The following KIAA0319L variants were observed in gnomAD, a reference collection of about 807,000 sequenced individuals.
KIAA0319L encodes the protein dyslexia-associated protein KIAA0319-like protein.
In KIAA0319L, 55 loss-of-function variants were observed where a neutral mutation model predicts 120.1. The observed-to-expected ratio is 0.46, with a 90% CI of 0.37 to 0.57. The LOEUF (loss-of-function observed/expected upper bound fraction) is 0.57, where lower values mean the gene tolerates loss of function less well. Among genes scored for constraint, KIAA0319L ranks in the 20% least tolerant of loss-of-function variants. The probability of loss-of-function intolerance (pLI) is 0.00; values close to 1 mark genes in which losing one functional copy is unlikely to be tolerated. For synonymous variants in KIAA0319L, 398 were observed against 471.9 expected, an observed-to-expected ratio of 0.84 and a Z score of 2.03; for missense variants, 1,049 against 1,255.3, an observed-to-expected ratio of 0.84 and a Z score of 2.48.
At chr1:35,478,258 C>T (rs977137093) in intron 4 of KIAA0319L, among the ~76,000 whole-genome samples, 6 of 119,642 alleles carry the variant, frequency 5.0e-5, no homozygotes, top group Admixed American at 3.5e-4. Context: ...CCAGAGGCTG[C>T]GAAGGGTAGT....
rs549381508 is a variant in KIAA0319L, at chr1:35,525,316, C to A, written c.143-18181G>T. On this transcript the variant is annotated intron_variant, in intron 2 of 20. Coordinates refer to ENST00000325722, the MANE Select transcript of KIAA0319L (RefSeq NM_024874.5). ...GTCCTGCAATAAACATGGGAGTGCA[C>A]ATATCCCTTTAATATACTAATTTTC... 2.0e-5 allele frequency among the ~76,000 whole-genome samples: 3 copies of A among 152,182 alleles called. No homozygotes were observed. In the East Asian group the frequency reaches 5.8e-4, roughly 29 times the overall value.
chr1:35,486,731 T>G (rs1644399692), intron 3 of KIAA0319L, among the ~76,000 whole-genome samples: 1 of 84,804 alleles, frequency 1.2e-5, no homozygotes, highest in African/African-American at 1.7e-4. Context: ...CGAGACCCCA[T>G]TTCTACAAAA....
chr1:35,445,998 G>A (rs1333779478), intron 16 of KIAA0319L, among the ~76,000 whole-genome samples: 1 of 152,146 alleles, frequency 6.6e-6, no homozygotes, highest in African/African-American at 2.4e-5. Context: ...CATTTGCCCT[G>A]TTCCTACTCC....
rs1384101769 is a variant in KIAA0319L at position 35,474,863 on chromosome 1, T to C, written c.957A>G (p.Ile319Met). ...ATTGAACTTCATTCTTAGGCAGGGTTATCTGGACACTCTCTCCAGCAGATA... is the reference window on the plus strand; with the variant it reads ...ATTGAACTTCATTCTTAGGCAGGGTCATCTGGACACTCTCTCCAGCAGATA... Reference protein sequence around the residue: ...LVVSAGESVQITLPKNEVQLN... With the variant: ...LVVSAGESVQMTLPKNEVQLN... The change falls in exon 5 of 21, where the codon ATA (isoleucine) becomes ATG (methionine). Residue 319 changes from isoleucine (I) to methionine (M), a missense_variant. Coordinates refer to ENST00000325722, the MANE Select transcript of KIAA0319L (RefSeq NM_024874.5). 1.9e-6 allele frequency: 3 copies of C among 1,611,560 alleles called. 1 individual carries two copies. In the Admixed American group the frequency reaches 5.0e-5, roughly 27 times the overall value.
chr1:35,544,511 C>T (rs993288279), intron 2 of KIAA0319L, among the ~76,000 whole-genome samples: 1 of 152,102 alleles, frequency 6.6e-6, no homozygotes, highest in Non-Finnish European at 1.5e-5. Context: ...AAAATTACTC[C>T]CCAAAACTTG....
At chr1:35,445,272 A>C (rs1244729854) in intron 16 of KIAA0319L, among the ~76,000 whole-genome samples, 1 of 152,242 alleles carries the variant, frequency 6.6e-6, no homozygotes, top group African/African-American at 2.4e-5. Flanking sequence ...CTTGCTGCAC[A>C]GTGGGATTAA....
intron 2 of KIAA0319L, among the ~76,000 whole-genome samples, chr1:35,519,101 A>G (rs1645805918): frequency 6.6e-6 from 1 of 151,992 alleles, no homozygotes; most frequent in South Asian, 2.1e-4. Context: ...TATTTGGTGT[A>G]GCCCATCTGA....
At chr1:35,512,294 TAA>T (rs890481463) in intron 2 of KIAA0319L, among the ~76,000 whole-genome samples, 32 of 72,006 alleles carry the variant, frequency 4.4e-4, no homozygotes, top group African/African-American at 1.8e-3. Flanking sequence ...TAAAATAAAA[TAA>T]AAAGATCTGG....
At chr1:35,526,378 T>C (rs1197816340) in intron 2 of KIAA0319L, among the ~76,000 whole-genome samples, 1 of 129,854 alleles carries the variant, frequency 7.7e-6, no homozygotes, top group Non-Finnish European at 1.5e-5. Context: ...CATACATATA[T>C]ATATACATAC....
chr1:35,452,000 T>C (rs764371729), intron 12 of KIAA0319L, among the ~76,000 whole-genome samples: 1 of 152,246 alleles, frequency 6.6e-6, no homozygotes, highest in Non-Finnish European at 1.5e-5. Flanking sequence ...CAAACACCTC[T>C]AGCCTTATCC....
At chr1:35,476,639 T>C (rs1570741635) in intron 4 of KIAA0319L, among the ~76,000 whole-genome samples, 1 of 152,280 alleles carries the variant, frequency 6.6e-6, no homozygotes, top group East Asian at 1.9e-4. Context: ...TCAGAGAAAG[T>C]ATAATGAACC....
At chr1:35,499,608 A>G (rs947202468) in intron 3 of KIAA0319L, among the ~76,000 whole-genome samples, 2 of 152,158 alleles carry the variant, frequency 1.3e-5, no homozygotes, top group African/African-American at 2.4e-5. Flanking sequence ...GGAGCCAATA[A>G]ACGCAATTTC....
chr1:35,521,798 C>G (rs938205210), intron 2 of KIAA0319L, among the ~76,000 whole-genome samples: 1 of 151,728 alleles, frequency 6.6e-6, no homozygotes, highest in Non-Finnish European at 1.5e-5. Context: ...CAGTGAAACC[C>G]CGTCTCTACT....
intron 3 of KIAA0319L, among the ~76,000 whole-genome samples, chr1:35,497,837 G>A (rs1354586476): frequency 6.6e-6 from 1 of 152,132 alleles, no homozygotes; most frequent in Non-Finnish European, 1.5e-5. Context: ...TGTGTGCAAA[G>A]TTTTATTTAG....
intron 3 of KIAA0319L, among the ~76,000 whole-genome samples, chr1:35,505,633 G>C (rs1343506333): frequency 1.3e-5 from 2 of 152,174 alleles, no homozygotes; most frequent in Non-Finnish European, 2.9e-5. Context: ...GACATTGACA[G>C]TAGGTAGCCA....
intron 6 of KIAA0319L, among the ~76,000 whole-genome samples, chr1:35,467,782 G>A (rs1289362832): frequency 6.6e-6 from 1 of 151,642 alleles, no homozygotes; most frequent in African/African-American, 2.4e-5. Context: ...GCTGCCTCCT[G>A]GGTTCAAGTG....
In KIAA0319L at chr1:35,442,329, G is replaced by A. The variant is rs1360383014; in HGVS notation, c.2787C>T (p.Ser929=). Residue 929 remains serine (S), a synonymous_variant, in exon 19 of 21, where the codon AGC becomes AGT. Transcript: ENST00000325722. ...LRDGDSNCEW[S]VLYVIIATFV... ...AGGTAGCAATGATAACATATAACAC[G>A]CTCCACTCTGCCAAGAAAATCAAAA... The A allele has an allele frequency of 1.9e-6, 3 of 1,612,632 alleles. No individual in the cohort carries two copies. Among genetic ancestry groups the A allele is most frequent in the South Asian group, 1.1e-5 (1 of 91,046 alleles).
chr1:35,555,685 C>G (rs1647884474), intron 1 of KIAA0319L, among the ~76,000 whole-genome samples: 1 of 152,172 alleles, frequency 6.6e-6, no homozygotes, highest in Admixed American at 6.5e-5. Context: ...TCTCTAGCCT[C>G]CCAAGAGGGA....
At chr1:35,455,504 ACT>A (rs971784449) in intron 10 of KIAA0319L, among the ~76,000 whole-genome samples, 52 of 149,958 alleles carry the variant, frequency 3.5e-4, no homozygotes, top group Non-Finnish European at 6.1e-4. Flanking sequence ...AAATAGTTTG[ACT>A]CTCTGGAGTC....
Sources: allele counts gnomAD v4.1 joint callset (sites outside exome capture counted in the v4.1 genomes callset), GRCh38; gene constraint gnomAD v4.1.1; transcripts MANE v1.5; gene names NCBI Gene and HGNC (gene_info 2026-07-23, HGNC 2026-07-21).